The following MYO15A variants were observed in gnomAD, a reference collection of about 807,000 sequenced individuals.
MYO15A encodes myosin XVA.
MYO15A carries 308 observed loss-of-function variants against 394.6 expected under a neutral mutation model. The observed-to-expected ratio is 0.78, with a 90% confidence interval of 0.71 to 0.86. MYO15A has a LOEUF of 0.86. Among genes scored for constraint, MYO15A ranks in the 40% least tolerant of loss-of-function variants. The pLI is 0.00. For missense variants in MYO15A, 4,606 were observed against 4,799.1 expected, an observed-to-expected ratio of 0.96 and a Z score of 1.19; for synonymous variants, 1,957 against 2,003.8, an observed-to-expected ratio of 0.98 and a Z score of 0.62.
In MYO15A at chr17:18,135,812, C is replaced by T. The variant is rs1217587440; in HGVS notation, c.4584C>T (p.Thr1528=). ...CTGAGGGCCTGCAGAAGGCCATCAC[C>T]TTCAAAGTGACCGTGAGTCTGTGGG... ...ISPEGLQKAI[T]FKVTETMREK... is the part of the protein sequence containing the mutation. Residue 1528 remains threonine, a synonymous_variant, in exon 13 of 66, where the codon ACC becomes ACT. Transcript: ENST00000647165. The T allele has an allele frequency of 1.2e-6, 2 of 1,613,780 alleles. No individual in the cohort carries two copies. Among genetic ancestry groups the T allele is most frequent in the Non-Finnish European group, 1.7e-6 (2 of 1,179,926 alleles).
At chr17:18,166,307 C>T in intron 60 of MYO15A, 54 bp from the exon 61 acceptor site, 1 of 1,599,510 alleles carries the variant, frequency 6.3e-7, no homozygotes, top group South Asian at 1.1e-5. Context: ...TACAGGTGCA[C>T]ACATGTGTGT....
In MYO15A at chr17:18,120,727, C is replaced by G. The variant is rs1365304677; in HGVS notation, c.1927C>G (p.Arg643Gly). Residue 643 changes from arginine to glycine, a missense_variant, in exon 2 of 66, where the codon CGC becomes GGC. Physicochemically the swap from Arg to Gly is moderately radical, Grantham distance 125. Around this residue, in one of 2 missense-constraint regions of MYO15A, gnomAD observed 1,830 missense variants for 1,689.7 expected, o/e 1.08. Coordinates refer to ENST00000647165, the MANE Select transcript of MYO15A (RefSeq NM_016239.4). ...CGCTCGCAGCAGCAACGACGCGCGCCGCCCGCCCGCGCCACAGCCCGCGCC... is the reference window on the plus strand; with the variant it reads ...CGCTCGCAGCAGCAACGACGCGCGCGGCCCGCCCGCGCCACAGCCCGCGCC... ...PRARSSNDAR[R>G]PPAPQPAPRT... The G allele has an allele frequency of 4.7e-6, 7 of 1,474,820 alleles. No individual in the cohort carries two copies. In the South Asian group the frequency reaches 7.9e-5, roughly 17 times the overall value. The allele number at this position is 1,474,820 out of a possible 1,614,324, so 91.4% of individuals were successfully genotyped here. A position where few individuals can be genotyped will look rare whatever the true frequency, so the allele number is the denominator to read the frequency against.
At chr17:18,124,848 T>G (rs909098709) in intron 3 of MYO15A, 2 of 585,898 alleles carry the variant, frequency 3.4e-6, no homozygotes, top group Non-Finnish European at 6.1e-6. Flanking sequence ...ATGGCTGTTG[T>G]GAGGATGCCA....
chr17:18,134,719 C>CA (rs199609779), intron 12 of MYO15A, among the ~76,000 whole-genome samples: 7 of 151,314 alleles, frequency 4.6e-5, no homozygotes, highest in African/African-American at 9.7e-5. Flanking sequence ...CTCATCTCTA[C>CA]AAAAAAAAAT....
In MYO15A at chr17:18,124,494, C is replaced by T. The variant is rs753268490; in HGVS notation, c.3621C>T (p.Ile1207=). The change falls in exon 3 of 66, where the codon ATC becomes ATT. Residue 1207 remains isoleucine, a synonymous_variant. Transcript: ENST00000647165. ...TCTCTCTCACACAGATGCACTCCAT[C>T]CGCAACCTGCCATCCATGCGGTTCC... ...PPSWRNKMHS[I]RNLPSMRFRE... 2.5e-6 allele frequency: 4 copies of T among 1,612,168 alleles called. No individual in the cohort carries two copies. Among genetic ancestry groups the T allele is most frequent in the Non-Finnish European group, 3.4e-6 (4 of 1,179,994 alleles).
rs772650400 is a variant in MYO15A at position 18,120,796 on chromosome 17, C to T, written c.1996C>T (p.Pro666Ser). 2.3e-6 allele frequency: 3 copies of T among 1,303,726 alleles called. No homozygotes were observed. The highest frequency in any genetic ancestry group is 2.9e-6 in the Non-Finnish European group (3 of 1,029,356). The allele number at this position is 1,303,726 out of a possible 1,614,324, so 80.8% of individuals were successfully genotyped here. A position where few individuals can be genotyped will look rare whatever the true frequency, so the allele number is the denominator to read the frequency against. ...GAGCGCGCTCCTGTCTCCGCCCGTGCCCCCGCGGCCCCCAAGCTCCGGGCC... is the reference window on the plus strand; with the variant it reads ...GAGCGCGCTCCTGTCTCCGCCCGTGTCCCCGCGGCCCCCAAGCTCCGGGCC... ...HWSALLSPPV[P>S]PRPPSSGPPP... is the part of the protein sequence containing the mutation. Residue 666 changes from proline (P) to serine (S), a missense_variant, in exon 2 of 66, where the codon CCC becomes TCC. Coordinates refer to ENST00000647165, the MANE Select transcript of MYO15A (RefSeq NM_016239.4).
intron 52 of MYO15A, 86 bp from the exon 53 acceptor site, chr17:18,158,839 C>T: frequency 6.5e-7 from 1 of 1,543,126 alleles, no homozygotes. Flanking sequence ...TCAAGAACCC[C>T]CTCCCTGGGG....
chr17:18,175,308 T>TTTTTTTTTTTTTTTTG (rs71155320), intron 65 of MYO15A, among the ~76,000 whole-genome samples: 6 of 147,046 alleles, frequency 4.1e-5, no homozygotes, highest in Admixed American at 1.4e-4. Flanking sequence ...TTTTTTTTTT[T>TTTTTTTTTTTTTTTTG]GAGGCAAAGT....
Position 18,131,258 on chromosome 17 carries a change from T to C in MYO15A, c.4058T>C (p.Leu1353Pro). 1 of 1,607,078 alleles carries C rather than the reference T, an allele frequency of 6.2e-7. No individual in the cohort carries two copies. ...GTCCAGATCCTGGAGGCAACACCCCTCTTGGAGTCCTTCGGTAATGCCAAA... is the reference window on the plus strand; with the variant it reads ...GTCCAGATCCTGGAGGCAACACCCCCCTTGGAGTCCTTCGGTAATGCCAAA... Reference protein sequence around the residue: ...QQIKILEATPLLESFGNAKTV... With the variant: ...QQIKILEATPPLESFGNAKTV... Residue 1353 changes from leucine (L) to proline (P), a missense_variant, in exon 9 of 66, where the codon CTC (leucine) becomes CCC (proline). Physicochemically the swap from Leu to Pro is moderately conservative, Grantham distance 98. This residue lies in a region of MYO15A where 2,776 missense variants were observed against 3,109.3 expected (regional missense o/e 0.89). Coordinates refer to ENST00000647165, the MANE Select transcript of MYO15A (RefSeq NM_016239.4).
At chr17:18,139,447 C>T (rs1432393749) in intron 18 of MYO15A, 87 bp from the exon 19 acceptor site, 7 of 1,416,564 alleles carry the variant, frequency 4.9e-6, no homozygotes, top group African/African-American at 2.8e-5. Flanking sequence ...GGGGTGGGGA[C>T]CATAGAAGTG....
chr17:18,140,888 A>T lies in MYO15A; in HGVS notation c.5406+56A>T, dbSNP rs1452163324. 5 of 1,613,346 alleles carry T rather than the reference A, an allele frequency of 3.1e-6. No individual in the cohort carries two copies. In the Admixed American group the frequency reaches 6.7e-5, roughly 22 times the overall value. ...CAAATCCTCCTGCCCATGCTGTGTG[A>T]CCTTGGGCAAGTGGCTTGGCCTCTC... On this transcript the variant is annotated intron_variant, in intron 21 of 65. Transcript: ENST00000647165.
chr17:18,166,610 T>G, intron 61 of MYO15A, 89 bp downstream of exon 61: 1 of 1,547,634 alleles, frequency 6.5e-7, no homozygotes, highest in Non-Finnish European at 8.8e-7. Flanking sequence ...GTGTTTGAAG[T>G]GTTCATGATT....
intron 24 of MYO15A, 124 bp from the exon 25 acceptor site, chr17:18,142,632 A>G (rs1010007591): frequency 1.2e-5 from 10 of 830,452 alleles, no homozygotes; most frequent in Non-Finnish European, 2.0e-5. Flanking sequence ...CTTTGAGCCA[A>G]AGGACCCCAA....
chr17:18,175,535 T>A (rs2047003067), intron 65 of MYO15A, among the ~76,000 whole-genome samples: 1 of 151,936 alleles, frequency 6.6e-6, no homozygotes, highest in South Asian at 2.1e-4. Flanking sequence ...AAGTGATCCA[T>A]CCACCTCAGC....
intron 7 of MYO15A, among the ~76,000 whole-genome samples, chr17:18,127,731 C>G (rs1446253055): frequency 6.6e-6 from 1 of 151,656 alleles, no homozygotes; most frequent in Non-Finnish European, 1.5e-5. Flanking sequence ...TACTGTGTGC[C>G]AGTCCCAGGC....
intron 1 of MYO15A, among the ~76,000 whole-genome samples, chr17:18,110,880 A>T (rs966535614): frequency 6.6e-6 from 1 of 152,186 alleles, no homozygotes; most frequent in Non-Finnish European, 1.5e-5. Flanking sequence ...ACTTGCCAGG[A>T]ATACTGTTCC....
At position 18,119,208 on chromosome 17, in the gene MYO15A, G is replaced by T. The variant is rs1384469877; in HGVS notation, c.408G>T (p.Trp136Cys). The T allele has an allele frequency of 6.2e-7, 1 of 1,612,510 alleles. No individual in the cohort carries two copies. Among genetic ancestry groups the T allele is most frequent in the Non-Finnish European group, 8.5e-7 (1 of 1,179,920 alleles). The change falls in exon 2 of 66, where the codon TGG becomes TGT. Residue 136 changes from tryptophan to cysteine, a missense_variant. Trp to Cys is a radical substitution (Grantham distance 215). Around this residue, in one of 2 missense-constraint regions of MYO15A, gnomAD observed 1,830 missense variants for 1,689.7 expected, o/e 1.08. Transcript: ENST00000647165. ...SLSKASTAIN[W>C]LTKKFLLKKA... ...GCAAAGCGTCCACGGCCATCAACTG[G>T]CTCACAAAAAAGTTCCTCCTCAAGA...
chr17:18,178,611 A>G, intron 65 of MYO15A, 158 bp from the exon 66 acceptor site: 1 of 754,194 alleles, frequency 1.3e-6, no homozygotes, highest in South Asian at 1.5e-5. Flanking sequence ...CCAGCTCTTC[A>G]TGCTCCTCTC....
chr17:18,167,853 G>A, intron 62 of MYO15A, 130 bp downstream of exon 62: 1 of 1,415,562 alleles, frequency 7.1e-7, no homozygotes, highest in Non-Finnish European at 9.6e-7. Flanking sequence ...GGGGCTATCT[G>A]GGAAGGGGCT....
Sources: gnomAD v4.1 joint callset for allele counts (sites outside exome capture counted in the v4.1 genomes callset) on GRCh38, gnomAD v4.1.1 for gene constraint, gnomAD v4.1.1 regional missense constraint, MANE v1.5 for transcripts, NCBI Gene and HGNC (gene_info 2026-07-23, HGNC 2026-07-21) for gene names.